The following ROR1 variants were observed in gnomAD, a reference collection of about 807,000 sequenced individuals.
ROR1 encodes inactive tyrosine-protein kinase transmembrane receptor ROR1.
A neutral mutation model predicts 78.8 loss-of-function variants in ROR1; 19 were observed. The observed-to-expected ratio is 0.24, with a 90% CI of 0.17 to 0.35. The LOEUF is 0.35. Among genes scored for constraint, ROR1 ranks in the 10% least tolerant of loss-of-function variants. ROR1 has a pLI of 1.00. For synonymous variants in ROR1, 386 were observed against 433.6 expected (o/e 0.89, Z 1.36); for missense variants, 917 against 1,177.8 (o/e 0.78, Z 3.24).
At chr1:64,034,247 G>T (rs1646683710) in intron 2 of ROR1, among the ~76,000 whole-genome samples, 1 of 151,390 alleles carries the variant, frequency 6.6e-6, no homozygotes, top group African/African-American at 2.4e-5. Flanking sequence ...AGTCCTGGGG[G>T]TTCTGATTAT....
At chr1:63,835,821 G>T (rs1350190365) in intron 1 of ROR1, among the ~76,000 whole-genome samples, 1 of 152,228 alleles carries the variant, frequency 6.6e-6, no homozygotes, top group East Asian at 1.9e-4. Context: ...ATTTTTGCAA[G>T]TATTCAGATC....
rs1422337832 is a variant in ROR1 at position 64,041,922 on chromosome 1, AC to A, written c.164-7768del. Among the ~76,000 whole-genome samples the A allele has an allele frequency of 8.5e-5, 13 of 152,272 alleles. No individual in the cohort carries two copies. The South Asian group carries it at 2.7e-3, about 32-fold the overall frequency. The stretch of plus-strand genomic sequence containing the variant: ...CTTAACCTGGGGCAGAGGTTTGGAT[AC>A]TGGGGAGTGCAAGAGGAAGGGTTGG... On this transcript the variant is annotated intron_variant, in intron 2 of 8. Transcript: ENST00000371079.
intron 4 of ROR1, among the ~76,000 whole-genome samples, chr1:64,073,158 T>C (rs1317555133): frequency 1.3e-5 from 2 of 152,146 alleles, no homozygotes; most frequent in Non-Finnish European, 2.9e-5. Context: ...CCCTCCTCTA[T>C]GTAAATTTGT....
chr1:64,120,362 G>A (rs987153068), intron 4 of ROR1, among the ~76,000 whole-genome samples: 2 of 152,168 alleles, frequency 1.3e-5, no homozygotes, highest in Middle Eastern at 3.4e-3. Flanking sequence ...AACCACATAC[G>A]TCATCTTCAG....
At chr1:63,818,147 C>T (rs1644903405) in intron 1 of ROR1, among the ~76,000 whole-genome samples, 1 of 152,212 alleles carries the variant, frequency 6.6e-6, no homozygotes, top group South Asian at 2.1e-4. Context: ...GGTTAGAACC[C>T]AGTTCTGTTC....
At chr1:64,103,918 A>T (rs532721910) in intron 4 of ROR1, among the ~76,000 whole-genome samples, 1 of 152,246 alleles carries the variant, frequency 6.6e-6, no homozygotes, top group South Asian at 2.1e-4. Flanking sequence ...TCCAGGGAAC[A>T]CTTTGCAATG....
At chr1:63,824,615 G>A (rs1223443914) in intron 1 of ROR1, among the ~76,000 whole-genome samples, 2 of 152,084 alleles carry the variant, frequency 1.3e-5, no homozygotes, top group African/African-American at 4.8e-5. Flanking sequence ...ACCCCACAAT[G>A]GATGATTCAT....
intron 1 of ROR1, among the ~76,000 whole-genome samples, chr1:63,932,775 T>C (rs762331612): frequency 2.6e-5 from 4 of 152,236 alleles, no homozygotes; most frequent in African/African-American, 4.8e-5. Flanking sequence ...CAGCTGATCC[T>C]GTTGCTCTTG....
intron 1 of ROR1, among the ~76,000 whole-genome samples, chr1:63,821,314 C>T (rs1028723473): frequency 2.6e-5 from 4 of 152,168 alleles, no homozygotes; most frequent in Admixed American, 2.0e-4. Flanking sequence ...ACCACCTTGC[C>T]TTCCTCTTCG....
At chr1:64,161,229 C>G (rs1649934041) in intron 8 of ROR1, among the ~76,000 whole-genome samples, 1 of 152,178 alleles carries the variant, frequency 6.6e-6, no homozygotes, top group African/African-American at 2.4e-5. Context: ...GAGACACAAA[C>G]AGACTAAGTA....
chr1:64,011,240 C>T (rs1646472270), intron 2 of ROR1, among the ~76,000 whole-genome samples: 1 of 152,198 alleles, frequency 6.6e-6, no homozygotes, highest in African/African-American at 2.4e-5. Flanking sequence ...TGTTACTCCT[C>T]TCCACCTCCA....
intron 1 of ROR1, among the ~76,000 whole-genome samples, chr1:63,901,166 T>G: frequency 6.6e-6 from 1 of 152,184 alleles, no homozygotes; most frequent in East Asian, 1.9e-4. Context: ...TACTGGTGTT[T>G]AAAAGACTGA....
chr1:63,829,522 T>C (rs1644973677), intron 1 of ROR1, among the ~76,000 whole-genome samples: 1 of 151,998 alleles, frequency 6.6e-6, no homozygotes, highest in Non-Finnish European at 1.5e-5. Flanking sequence ...GGGGATGGAA[T>C]GGGCATTCAA....
intron 1 of ROR1, among the ~76,000 whole-genome samples, chr1:63,793,083 T>A (rs910594547): frequency 6.6e-6 from 1 of 152,252 alleles, no homozygotes; most frequent in African/African-American, 2.4e-5. Flanking sequence ...CAAATAGTGC[T>A]GCCCTTTAAA....
At chr1:64,057,999 A>C (rs147282315) in intron 4 of ROR1, among the ~76,000 whole-genome samples, 2,051 of 152,266 alleles carry the variant, frequency 0.013, 17 homozygotes, top group Non-Finnish European at 0.019. Flanking sequence ...CCATTTATTT[A>C]ACTTCTCTAA....
intron 1 of ROR1, among the ~76,000 whole-genome samples, chr1:63,955,274 C>T (rs1159779174): frequency 6.6e-6 from 1 of 152,138 alleles, no homozygotes; most frequent in Non-Finnish European, 1.5e-5. Flanking sequence ...TTAAAAAAAT[C>T]CTCTTAACTA....
At chr1:64,015,255 A>G (rs1333426473) in intron 2 of ROR1, among the ~76,000 whole-genome samples, 3 of 152,128 alleles carry the variant, frequency 2.0e-5, no homozygotes, top group African/African-American at 7.2e-5. Flanking sequence ...GGGAGACACA[A>G]TTCAAGATGA....
At chr1:63,932,935 C>A (rs1198796501) in intron 1 of ROR1, among the ~76,000 whole-genome samples, 1 of 152,068 alleles carries the variant, frequency 6.6e-6, no homozygotes, top group African/African-American at 2.4e-5. Context: ...CAGTTCTGAG[C>A]CTTCTTTGCC....
At chr1:63,865,379 T>C (rs780285401) in intron 1 of ROR1, among the ~76,000 whole-genome samples, 1 of 152,218 alleles carries the variant, frequency 6.6e-6, no homozygotes, top group Non-Finnish European at 1.5e-5. Flanking sequence ...ATTTTTGCTG[T>C]ACTCTGGAAA....
Sources: gnomAD v4.1 joint callset for allele counts (sites outside exome capture counted in the v4.1 genomes callset) on GRCh38, gnomAD v4.1.1 for gene constraint, MANE v1.5 for transcripts, NCBI Gene and HGNC (gene_info 2026-07-23, HGNC 2026-07-21) for gene names.